ADAP1: variants seen among roughly 807,000 people sequenced by gnomAD.
ADAP1 encodes ArfGAP with dual PH domains 1, also known as arf-GAP with dual PH domain-containing protein 1.
A neutral mutation model predicts 54.9 loss-of-function variants in ADAP1; 31 were observed. The observed-to-expected ratio is 0.56, with a 90% CI of 0.42 to 0.76. ADAP1 has a LOEUF of 0.76. ADAP1 is among the 30% of genes least tolerant of loss of function. ADAP1 has a pLI of 0.00. For missense variants in ADAP1, 535 were observed against 512.4 expected, an observed-to-expected ratio of 1.04 and a Z score of -0.42; for synonymous variants, 313 against 202.6, an observed-to-expected ratio of 1.55 and a Z score of -4.63.
Position 898,591 on chromosome 7 carries a change from T to C in ADAP1, c.*330A>G, listed in dbSNP as rs1410345172. 8 of 425,682 alleles carry C rather than the reference T, an allele frequency of 1.9e-5. No homozygotes were observed. The highest frequency in any genetic ancestry group is 3.5e-5 in the Non-Finnish European group (8 of 227,158). The allele number at this position is 425,682 out of a possible 1,614,324, so 26.4% of individuals were successfully genotyped here. ...GGCCTGGAAGTTCCCACAGCCGTGG[T>C]GGGCGGCTCCTGGGGGCTGTGTCTG... On this transcript the variant is annotated 3_prime_UTR_variant, in exon 11 of 11. Transcript: ENST00000265846.
intron 8 of ADAP1, 23 bp from the exon 9 acceptor site, chr7:899,513 G>A (rs780968314): frequency 4.3e-6 from 7 of 1,610,026 alleles, no homozygotes; most frequent in Non-Finnish European, 5.9e-6. Flanking sequence ...GAGGGCCCGT[G>A]ACCGGCAGGT....
In ADAP1 at chr7:907,806, G is replaced by C. The variant is rs151303040; in HGVS notation, c.389-2634C>G. On this transcript the variant is annotated intron_variant, in intron 4 of 10. Coordinates refer to ENST00000265846, the MANE Select transcript of ADAP1 (RefSeq NM_006869.4). ...GCAGCAGCTGCGTGGCCAGGGTCGAGCAGGTCCTCAGTGGGTGCAGACTCT... is the reference window on the plus strand; with the variant it reads ...GCAGCAGCTGCGTGGCCAGGGTCGACCAGGTCCTCAGTGGGTGCAGACTCT... 4.3e-3 allele frequency among the ~76,000 whole-genome samples: 657 copies of C among 152,336 alleles called. 2 individuals carry two copies. Among genetic ancestry groups the C allele is most frequent in the Middle Eastern group, 0.014 (4 of 294 alleles).
intron 4 of ADAP1, among the ~76,000 whole-genome samples, chr7:918,314 G>C (rs761613088): frequency 3.3e-5 from 5 of 152,270 alleles, no homozygotes; most frequent in Admixed American, 6.5e-5. Flanking sequence ...ACTCCTGCAC[G>C]TAAGGGCTGC....
intron 7 of ADAP1, 117 bp from the exon 8 acceptor site, chr7:900,281 TG>T: frequency 7.8e-7 from 1 of 1,274,034 alleles, no homozygotes; most frequent in Non-Finnish European, 1.1e-6. Context: ...GGCCCAGGCC[TG>T]GCTTAGCCTC....
rs117135055 is a variant in ADAP1, at chr7:899,288, G to C, written c.868-27C>G. On this transcript the variant is annotated intron_variant, in intron 9 of 10. Coordinates refer to ENST00000265846, the MANE Select transcript of ADAP1 (RefSeq NM_006869.4). ...TGTGGGTGGGGACCGCACTGGAGGC[G>C]GGGCCATGTCCCTTCCAGCCCCGCT... 3,739 of 1,611,144 alleles carry C rather than the reference G, an allele frequency of 2.3e-3. 144 individuals are homozygous for C. In the East Asian group the frequency reaches 0.076, roughly 33 times the overall value.
At chr7:904,949 G>T in intron 5 of ADAP1, 111 bp downstream of exon 5, 3 of 804,120 alleles carry the variant, frequency 3.7e-6, no homozygotes, top group African/African-American at 1.7e-5. Context: ...CCATCGGGGG[G>T]GGCAGCAGGG....
chr7:898,678 G>A lies in ADAP1; in HGVS notation c.*243C>T. ...GCCCCGGGTCAGGGAGGGGCAGGTT[G>A]GCTGGGTGTGGTCAGCAGCAGCATG... On this transcript the variant is annotated 3_prime_UTR_variant, in exon 11 of 11. Transcript: ENST00000265846. 2 of 580,482 alleles carry A rather than the reference G, an allele frequency of 3.4e-6. No homozygotes were observed. The highest frequency in any genetic ancestry group is 4.0e-5 in the South Asian group (2 of 50,080). 36.0% of individuals were successfully genotyped at this position (580,482 alleles called of 1,614,324 possible).
intron 1 of ADAP1, among the ~76,000 whole-genome samples, chr7:941,269 A>C (rs1846932639): frequency 6.6e-6 from 1 of 152,236 alleles, no homozygotes; most frequent in Admixed American, 6.5e-5. Context: ...TGTCTGTTCT[A>C]ACCACTCCTA....
rs146365679 is a variant in ADAP1 at position 917,795 on chromosome 7, C to A, written c.388+2173G>T. ...TTCATCTTTTTTCTTGTTACAGACA[C>A]ACTCTCGCTCTGACGTCCAGGCTGG... On this transcript the variant is annotated intron_variant, in intron 4 of 10. Transcript: ENST00000265846. 5.5e-3 allele frequency among the ~76,000 whole-genome samples: 829 copies of A among 151,848 alleles called. 12 individuals are homozygous for A. The highest frequency in any genetic ancestry group is 0.019 in the African/African-American group (791 of 41,402).
In ADAP1 at chr7:937,257, CGACCTCTGGGATTTGGGGGTCATGCCT is replaced by C. The variant is rs1846797581; in HGVS notation, c.83-1779_83-1753del. Among the ~76,000 whole-genome samples, 139 of 29,304 alleles carry C rather than the reference CGACCTCTGGGATTTGGGGGTCATGCCT, an allele frequency of 4.7e-3. 45 individuals carry two copies. Among genetic ancestry groups the C allele is most frequent in the South Asian group, 8.0e-3 (4 of 502 alleles). The allele number at this position is 29,304 out of a possible 152,430, so 19.2% of individuals were successfully genotyped here. A position where few individuals can be genotyped will look rare whatever the true frequency, so the allele number is the denominator to read the frequency against. On this transcript the variant is annotated intron_variant, in intron 1 of 10. Transcript: ENST00000265846. Reference sequence around the variant, plus strand: ...GCCTCTGGGATTTGGGGGTCACGCCCGACCTCTGGGATTTGGGGGTCATGCCTGGCCTCTGGGATTTGGGGGTCATGC... The same window carrying C: ...GCCTCTGGGATTTGGGGGTCACGCCCGGCCTCTGGGATTTGGGGGTCATGC...
At chr7:935,600 G>GT (rs1846727723) in intron 1 of ADAP1, 95 bp from the exon 2 acceptor site, 1 of 1,467,656 alleles carries the variant, frequency 6.8e-7, no homozygotes, top group East Asian at 2.5e-5. Flanking sequence ...CGGCCATGCA[G>GT]TGGGGGGGGC....
chr7:922,556 G>T (rs760791869), intron 3 of ADAP1, among the ~76,000 whole-genome samples: 10 of 152,150 alleles, frequency 6.6e-5, no homozygotes, highest in Non-Finnish European at 1.5e-4. Flanking sequence ...CCCATAGCGG[G>T]TGCTGTTCAC....
chr7:940,448 G>A (rs920927361), intron 1 of ADAP1, among the ~76,000 whole-genome samples: 2 of 152,052 alleles, frequency 1.3e-5, no homozygotes, highest in African/African-American at 4.8e-5. Context: ...GGAGACAGGA[G>A]CAACACAAGG....
Position 905,215 on chromosome 7 carries a change from G to A in ADAP1, c.389-43C>T, listed in dbSNP as rs558414134. On this transcript the variant is annotated intron_variant, in intron 4 of 10. Coordinates refer to ENST00000265846, the MANE Select transcript of ADAP1 (RefSeq NM_006869.4). The stretch of plus-strand genomic sequence containing the variant: ...CACGAGTCGGTGACAGTGGATGGGG[G>A]GGAGGAAACAAAAGGAGTGACGATG... 46 of 1,526,978 alleles carry A rather than the reference G, an allele frequency of 3.0e-5. 1 individual carries two copies. The South Asian group carries it at 3.0e-4, about 10-fold the overall frequency. 94.6% of individuals were successfully genotyped at this position (1,526,978 alleles called of 1,614,324 possible).
At chr7:954,996 A>G (rs1847352615), upstream of ADAP1, among the ~76,000 whole-genome samples, 1 of 152,020 alleles carries the variant, frequency 6.6e-6, no homozygotes, top group South Asian at 2.1e-4. Context: ...CCCCAAGACC[A>G]TGGGCATGGG....
chr7:900,483 A>ACCCCCCCCCC, intron 7 of ADAP1, 50 bp downstream of exon 7: 1 of 614,490 alleles, frequency 1.6e-6, no homozygotes, highest in South Asian at 1.7e-5. Context: ...TCCACCCCCC[A>ACCCCCCCCCC]CCCCACCACC....
chr7:904,098 C>T (rs1844964111), intron 6 of ADAP1, 28 bp downstream of exon 6: 1 of 1,610,258 alleles, frequency 6.2e-7, no homozygotes, highest in East Asian at 2.2e-5. Flanking sequence ...CCTGTGCCAC[C>T]CGGGCCCGAG....
chr7:951,411 C>T (rs1847269441), intron 1 of ADAP1, among the ~76,000 whole-genome samples: 1 of 151,382 alleles, frequency 6.6e-6, no homozygotes, highest in African/African-American at 2.4e-5. Context: ...TGGGCCGCTG[C>T]CCTGGGGAGT....
rs3808345 is a variant in ADAP1 at position 920,528 on chromosome 7, G to A, written c.306-478C>T. Reference sequence around the variant, plus strand: ...GCTGCCACCTTGCACCCCCCGTGCCGCCCTCCACCCGCCGTGCCGCCCTCC... The same window carrying A: ...GCTGCCACCTTGCACCCCCCGTGCCACCCTCCACCCGCCGTGCCGCCCTCC... On this transcript the variant is annotated intron_variant, in intron 3 of 10. Transcript: ENST00000265846. This position sits in a 1 kb window ranked among gnomAD's most constrained non-coding sequence, Gnocchi z 4.5. Among the ~76,000 whole-genome samples, 4,829 of 150,690 alleles carry A rather than the reference G, an allele frequency of 0.032. 299 individuals are homozygous for A. Among genetic ancestry groups the A allele is most frequent in the East Asian group, 0.22 (1,130 of 5,060 alleles).
Sources: allele counts gnomAD v4.1 joint callset (sites outside exome capture counted in the v4.1 genomes callset), GRCh38; gene constraint gnomAD v4.1.1; non-coding constraint Gnocchi (gnomAD v3.1); transcripts MANE v1.5; gene names NCBI Gene and HGNC (gene_info 2026-07-23, HGNC 2026-07-21).